The following GPT2 variants were observed in gnomAD, a reference collection of about 807,000 sequenced individuals.
GPT2 encodes the protein alanine aminotransferase 2.
A neutral mutation model predicts 56.9 loss-of-function variants in GPT2; 30 were observed. The observed-to-expected ratio is 0.53, with a 90% confidence interval of 0.39 to 0.72. GPT2 has a LOEUF of 0.72. Ranked by LOEUF, GPT2 falls within the 30% of genes least tolerant of loss-of-function variation. GPT2 has a pLI of 0.00. For synonymous variants in GPT2, 271 were observed against 283.1 expected, an observed-to-expected ratio of 0.96 and a Z score of 0.43; for missense variants, 542 against 703.4, an observed-to-expected ratio of 0.77 and a Z score of 2.60.
At chr16:46,887,878 G>C (rs1184954534) in intron 2 of GPT2, among the ~76,000 whole-genome samples, 1 of 152,174 alleles carries the variant, frequency 6.6e-6, no homozygotes, top group Non-Finnish European at 1.5e-5. Flanking sequence ...GCTGTGAAAG[G>C]GGCCATTCTC....
At chr16:46,924,692 T>A in intron 10 of GPT2, 148 bp downstream of exon 10, 1 of 814,522 alleles carries the variant, frequency 1.2e-6, no homozygotes, top group Non-Finnish European at 2.0e-6. Flanking sequence ...GTTGACCGTG[T>A]AAAGATGACA....
In GPT2 at chr16:46,930,254, CACACTCG is replaced by C. The variant is rs1417730077; in HGVS notation, c.*1259_*1265del. ...CATTAGCAGCCCTGGGCGGGCCGAC[CACACTCG>C]AGGCTGCGGTGCTACGGGCTTAGCC... On this transcript the variant is annotated 3_prime_UTR_variant, in exon 12 of 12. Coordinates refer to ENST00000340124, the MANE Select transcript of GPT2 (RefSeq NM_133443.4). The C allele has an allele frequency of 1.3e-5, 2 of 152,390 alleles. No individual in the cohort carries two copies. Among genetic ancestry groups the C allele is most frequent in the African/African-American group, 4.8e-5 (2 of 41,478 alleles). The allele number at this position is 152,390 out of a possible 1,614,324, so 9.4% of individuals were successfully genotyped here.
At chr16:46,909,554 A>C in intron 5 of GPT2, 130 bp from the exon 6 acceptor site, 2 of 1,025,746 alleles carry the variant, frequency 1.9e-6, no homozygotes, top group South Asian at 3.3e-5. Flanking sequence ...AGATGAGGAA[A>C]CTGAGACTCG....
chr16:46,891,299 A>G (rs536823064), intron 2 of GPT2, among the ~76,000 whole-genome samples: 7 of 151,936 alleles, frequency 4.6e-5, no homozygotes, highest in Non-Finnish European at 8.8e-5. Flanking sequence ...CTAGAGTGCA[A>G]TGGTGCAATC....
At chr16:46,907,753 T>G (rs906217238) in intron 5 of GPT2, among the ~76,000 whole-genome samples, 4 of 152,214 alleles carry the variant, frequency 2.6e-5, no homozygotes, top group African/African-American at 9.6e-5. Context: ...ACTGAAGGGT[T>G]TGAAGGAGAA....
chr16:46,918,706 G>A lies in GPT2; in HGVS notation c.986G>A (p.Ser329Asn). 6.2e-7 allele frequency: 1 copy of A among 1,614,206 alleles called. No individual in the cohort carries two copies. The highest frequency in any genetic ancestry group is 2.2e-5 in the East Asian group (1 of 44,886). The change falls in exon 8 of 12, where the codon AGC (serine) becomes AAC (asparagine). Residue 329 changes from serine (S) to asparagine (N), a missense_variant. Transcript: ENST00000340124. ...VLYEMGPEYS[S>N]NVELASFHST... ...TACGAGATGGGGCCCGAGTACTCCA[G>A]CAACGTGGAGCTCGCCTCCTTCCAC...
In GPT2 at chr16:46,918,901, G is replaced by A. The variant is rs557126289; in HGVS notation, c.1037+144G>A. 2.1e-4 allele frequency: 209 copies of A among 1,008,892 alleles called. No individual in the cohort carries two copies. Among genetic ancestry groups the A allele is most frequent in the Admixed American group, 3.6e-4 (15 of 41,464 alleles). The allele number at this position is 1,008,892 out of a possible 1,614,324, so 62.5% of individuals were successfully genotyped here. On this transcript the variant is annotated intron_variant, in intron 8 of 11. Transcript: ENST00000340124. The stretch of plus-strand genomic sequence containing the variant: ...TTGCTTCTGCTGCATCTCCCCAGTG[G>A]GAGAGCCGTGGTGTGAGAACAGCCC...
chr16:46,900,884 G>A lies in GPT2; in HGVS notation c.442+94G>A. ...AGCGGAGGGTCCTGCATGCGAATGG[G>A]TGTGTGAACGTGTGTGGGTGGCTGA... is the stretch of plus-strand genomic sequence containing the variant. On this transcript the variant is annotated intron_variant, in intron 4 of 11. Coordinates refer to ENST00000340124, the MANE Select transcript of GPT2 (RefSeq NM_133443.4). 3.5e-6 allele frequency: 3 copies of A among 864,816 alleles called. No homozygotes were observed. The South Asian group carries it at 4.5e-5, about 13-fold the overall frequency. 53.6% of individuals were successfully genotyped at this position (864,816 alleles called of 1,614,324 possible). A position where few individuals can be genotyped will look rare whatever the true frequency, so the allele number is the denominator to read the frequency against.
At chr16:46,892,362 T>G (rs970264969) in intron 2 of GPT2, among the ~76,000 whole-genome samples, 1 of 152,234 alleles carries the variant, frequency 6.6e-6, no homozygotes. Context: ...GTTCCATATC[T>G]TGGCTCTTAG....
chr16:46,900,395 C>T (rs879273147), intron 3 of GPT2, among the ~76,000 whole-genome samples: 7 of 152,152 alleles, frequency 4.6e-5, no homozygotes, highest in African/African-American at 7.2e-5. Flanking sequence ...CTGTCCCTAG[C>T]GGAAGAGCTT....
chr16:46,903,546 A>G (rs904975445), intron 4 of GPT2, among the ~76,000 whole-genome samples: 2 of 152,250 alleles, frequency 1.3e-5, no homozygotes, highest in South Asian at 2.1e-4. Flanking sequence ...GGCTCAAGCA[A>G]TCATCCTGCC....
chr16:46,927,079 T>G, intron 11 of GPT2, 42 bp downstream of exon 11: 2 of 1,278,576 alleles, frequency 1.6e-6, no homozygotes, highest in Non-Finnish European at 2.2e-6. Flanking sequence ...CCGGGTCTTG[T>G]CCAGGGAAAT....
chr16:46,887,419 G>T (rs1216410833), intron 2 of GPT2, among the ~76,000 whole-genome samples: 1 of 152,194 alleles, frequency 6.6e-6, no homozygotes, highest in Non-Finnish European at 1.5e-5. Flanking sequence ...AGTGAGCCGA[G>T]ATGCACTCCA....
chr16:46,922,303 C>A lies in GPT2; in HGVS notation c.1099C>A (p.Leu367Met), dbSNP rs1341251000. 2 of 1,614,202 alleles carry A rather than the reference C, an allele frequency of 1.2e-6. No individual in the cohort carries two copies. ...CCTGCACCCTGAGATCAAGGGCCAG[C>A]TGGTGAAGCTGCTGTCGGTGCGCCT... ...INLHPEIKGQ[L>M]VKLLSVRLCP... Residue 367 changes from leucine (L) to methionine (M), a missense_variant, in exon 9 of 12, where the codon CTG becomes ATG. Leu to Met is a conservative substitution (Grantham distance 15, BLOSUM62 2). Transcript: ENST00000340124.
intron 10 of GPT2, among the ~76,000 whole-genome samples, chr16:46,926,176 C>T (rs908257478): frequency 4.1e-5 from 6 of 147,730 alleles, no homozygotes; most frequent in South Asian, 2.2e-4. Context: ...AGTCCGAGCG[C>T]GGTGGCTCAC....
chr16:46,909,364 T>C (rs77101269), intron 5 of GPT2, among the ~76,000 whole-genome samples: 1 of 152,172 alleles, frequency 6.6e-6, no homozygotes, highest in Non-Finnish European at 1.5e-5. Context: ...TTGCCCAGGC[T>C]GGTCTCGAAC....
intron 8 of GPT2, among the ~76,000 whole-genome samples, chr16:46,920,700 T>G (rs952298196): frequency 6.6e-6 from 1 of 152,242 alleles, no homozygotes; most frequent in Non-Finnish European, 1.5e-5. Context: ...AAACTGTTCT[T>G]GGGCTTCTTT....
chr16:46,900,269 G>T (rs1960790266), intron 3 of GPT2, among the ~76,000 whole-genome samples: 1 of 152,106 alleles, frequency 6.6e-6, no homozygotes, highest in South Asian at 2.1e-4. Flanking sequence ...GGGGCCTAGG[G>T]CGTTGAGGGA....
chr16:46,911,149 C>G (rs1961039455), intron 6 of GPT2, among the ~76,000 whole-genome samples: 2 of 152,032 alleles, frequency 1.3e-5, no homozygotes, highest in Admixed American at 1.3e-4. Flanking sequence ...AGCAACTAAA[C>G]CAAAAAAACC....
Sources: gnomAD v4.1 joint callset for allele counts (sites outside exome capture counted in the v4.1 genomes callset) on GRCh38, gnomAD v4.1.1 for gene constraint, MANE v1.5 for transcripts, NCBI Gene and HGNC (gene_info 2026-07-23, HGNC 2026-07-21) for gene names.